The following MAP4K3 variants were observed in gnomAD, a reference collection of about 807,000 sequenced individuals.
The protein encoded by MAP4K3 is MAPK/ERK kinase kinase kinase 3.
Under a neutral mutation model 143.5 loss-of-function variants are expected in MAP4K3, and 94 were observed. The ratio of observed to expected loss-of-function variants is 0.65; its 90% CI spans 0.55 to 0.78. The LOEUF (loss-of-function observed/expected upper bound fraction) is 0.78. MAP4K3 is among the 30% of genes least tolerant of loss of function. The probability of loss-of-function intolerance (pLI) is 0.00; values close to 1 mark genes in which losing one functional copy is unlikely to be tolerated. For synonymous variants in MAP4K3, 416 were observed against 347.2 expected (o/e 1.20, Z -2.20); for missense variants, 1,077 against 1,068.1 (o/e 1.01, Z -0.12).
intron 1 of MAP4K3, among the ~76,000 whole-genome samples, chr2:39,401,803 G>GA (rs1223966782): frequency 2.6e-5 from 4 of 151,900 alleles, no homozygotes; most frequent in Non-Finnish European, 5.9e-5. Context: ...CCCTGTCTCA[G>GA]AAAAAACAAA....
At chr2:39,335,199 A>G (rs1482082870) in intron 6 of MAP4K3, among the ~76,000 whole-genome samples, 2 of 152,178 alleles carry the variant, frequency 1.3e-5, no homozygotes, top group African/African-American at 4.8e-5. Context: ...TGGACTTTAT[A>G]CTGAGTACAA....
At chr2:39,274,541 C>G (rs1159070247) in intron 24 of MAP4K3, among the ~76,000 whole-genome samples, 1 of 152,132 alleles carries the variant, frequency 6.6e-6, no homozygotes, top group Non-Finnish European at 1.5e-5. Flanking sequence ...TTTTTAACAA[C>G]TTTTACAAAT....
chr2:39,283,494 T>A (rs994210179), intron 21 of MAP4K3, among the ~76,000 whole-genome samples: 1 of 152,218 alleles, frequency 6.6e-6, no homozygotes, highest in Non-Finnish European at 1.5e-5. Flanking sequence ...ATCTATTTGT[T>A]GGAGCTTTTA....
In MAP4K3 at chr2:39,258,424, T is replaced by A; in HGVS notation, c.2394A>T (p.Val798=). 1 of 1,610,130 alleles carries A rather than the reference T, an allele frequency of 6.2e-7. No homozygotes were observed. The highest frequency in any genetic ancestry group is 8.5e-7 in the Non-Finnish European group (1 of 1,177,368). ...LVCLDCCIKI[V]NLQGRLKSSR... is the part of the protein sequence containing the mutation. ...TAGATTTTAATCTTCCTTGGAGATT[T>A]ACTATTTTTATACAACCTAGAGGAA... is the stretch of plus-strand genomic sequence containing the variant. The change falls in exon 31 of 34, where the codon GTA becomes GTT. Residue 798 remains valine, a synonymous_variant. Coordinates refer to ENST00000263881, the MANE Select transcript of MAP4K3 (RefSeq NM_003618.4).
intron 27 of MAP4K3, 135 bp from the exon 28 acceptor site, chr2:39,265,441 T>C: frequency 1.4e-6 from 1 of 705,056 alleles, no homozygotes; most frequent in Non-Finnish European, 2.5e-6. Context: ...CCAGTTCAGT[T>C]TCTTAATTAG....
chr2:39,262,229 A>G (rs1166434000), intron 28 of MAP4K3, among the ~76,000 whole-genome samples: 1 of 152,202 alleles, frequency 6.6e-6, no homozygotes, highest in East Asian at 1.9e-4. Context: ...AGGTAGTTTT[A>G]AAGTGTTGGA....
intron 19 of MAP4K3, 21 bp downstream of exon 19, chr2:39,290,270 AT>A: frequency 6.3e-7 from 1 of 1,586,470 alleles, no homozygotes; most frequent in Non-Finnish European, 8.6e-7. Flanking sequence ...CATATATCAA[AT>A]TGAAAAATAA....
chr2:39,407,478 A>C (rs1667127877), intron 1 of MAP4K3, among the ~76,000 whole-genome samples: 1 of 152,258 alleles, frequency 6.6e-6, no homozygotes, highest in African/African-American at 2.4e-5. Context: ...ACCAAGAGGC[A>C]GCAGAGGAGC....
chr2:39,383,640 C>A (rs913534286), intron 1 of MAP4K3, among the ~76,000 whole-genome samples: 4 of 151,742 alleles, frequency 2.6e-5, no homozygotes, highest in Admixed American at 2.0e-4. Context: ...TCTACCAGTA[C>A]AATAAGAGTG....
At chr2:39,313,006 C>T (rs1029323453) in intron 13 of MAP4K3, among the ~76,000 whole-genome samples, 4 of 152,134 alleles carry the variant, frequency 2.6e-5, no homozygotes, top group East Asian at 1.9e-4. Flanking sequence ...ATCACTGTAC[C>T]TGAACTCTGT....
intron 1 of MAP4K3, among the ~76,000 whole-genome samples, chr2:39,385,150 A>C (rs890206594): frequency 6.6e-6 from 1 of 152,152 alleles, no homozygotes; most frequent in African/African-American, 2.4e-5. Context: ...TTTTTGGCAA[A>C]TACGGAAAGA....
chr2:39,293,057 C>T (rs1682117148), intron 17 of MAP4K3, among the ~76,000 whole-genome samples, 173 bp downstream of exon 17: 1 of 151,990 alleles, frequency 6.6e-6, no homozygotes, highest in Non-Finnish European at 1.5e-5. Flanking sequence ...TTCAAGGCTG[C>T]AGTGAGCTAT....
intron 20 of MAP4K3, 42 bp from the exon 21 acceptor site, chr2:39,287,006 A>G (rs1261499539): frequency 7.8e-7 from 1 of 1,278,368 alleles, no homozygotes; most frequent in South Asian, 1.4e-5. Flanking sequence ...AATCTTCATG[A>G]AAACTTTTAT....
chr2:39,373,004 C>G (rs1666122923), intron 2 of MAP4K3, among the ~76,000 whole-genome samples: 1 of 152,018 alleles, frequency 6.6e-6, no homozygotes, highest in South Asian at 2.1e-4. Flanking sequence ...AAGAGACAAC[C>G]CCATGAATGG....
At chr2:39,408,655 G>C (rs1422590842) in intron 1 of MAP4K3, among the ~76,000 whole-genome samples, 11 of 145,416 alleles carry the variant, frequency 7.6e-5, no homozygotes, top group Non-Finnish European at 1.5e-4. Flanking sequence ...AAAAAAAAAG[G>C]TGGTGGGGGG....
At chr2:39,299,596 A>AT (rs1682425160) in intron 16 of MAP4K3, 147 bp downstream of exon 16, 1 of 430,410 alleles carries the variant, frequency 2.3e-6, no homozygotes, top group African/African-American at 2.0e-5. Context: ...ATAATGAGCA[A>AT]GGAAGCAATG....
chr2:39,356,474 A>G (rs1162316456), intron 2 of MAP4K3, 135 bp from the exon 3 acceptor site: 6 of 590,298 alleles, frequency 1.0e-5, no homozygotes, highest in South Asian at 2.2e-5. Context: ...AACATAGCCA[A>G]TAAGTTAATG....
At chr2:39,329,597 GT>G (rs1381959403) in intron 8 of MAP4K3, among the ~76,000 whole-genome samples, 4 of 152,136 alleles carry the variant, frequency 2.6e-5, no homozygotes, top group African/African-American at 9.7e-5. Flanking sequence ...TCAACAGTCA[GT>G]CCCTGGCATT....
intron 1 of MAP4K3, among the ~76,000 whole-genome samples, chr2:39,435,373 C>A (rs1220652484): frequency 1.3e-5 from 2 of 152,180 alleles, no homozygotes; most frequent in African/African-American, 4.8e-5. Flanking sequence ...AGATCTAGGG[C>A]CACCCTCCCG....
Sources: gnomAD v4.1 joint callset for allele counts (sites outside exome capture counted in the v4.1 genomes callset) on GRCh38, gnomAD v4.1.1 for gene constraint, MANE v1.5 for transcripts, NCBI Gene and HGNC (gene_info 2026-07-23, HGNC 2026-07-21) for gene names.